The following SNX13 variants were observed in gnomAD, a reference collection of about 807,000 sequenced individuals.
SNX13 encodes the protein sorting nexin 13.
SNX13 carries 45 observed loss-of-function variants against 133.6 expected under a neutral mutation model. That is an observed-to-expected ratio of 0.34 (90% CI 0.27 to 0.43). SNX13 has a LOEUF of 0.43. Ranked by LOEUF, SNX13 falls within the 20% of genes least tolerant of loss-of-function variation. The probability of loss-of-function intolerance (pLI) is 1.00; values close to 1 mark genes in which losing one functional copy is unlikely to be tolerated. For synonymous variants in SNX13, 414 were observed against 373.9 expected, an observed-to-expected ratio of 1.11 and a Z score of -1.24; for missense variants, 1,032 against 1,145.1, an observed-to-expected ratio of 0.90 and a Z score of 1.43.
chr7:17,865,443 A>G (rs1793272776), intron 9 of SNX13, among the ~76,000 whole-genome samples: 1 of 152,194 alleles, frequency 6.6e-6, no homozygotes. Flanking sequence ...AGATGTCTAC[A>G]AGGAAAACTG....
At chr7:17,860,667 C>T (rs1449557291) in intron 9 of SNX13, among the ~76,000 whole-genome samples, 1 of 152,168 alleles carries the variant, frequency 6.6e-6, no homozygotes, top group African/African-American at 2.4e-5. Context: ...CAACTTCATC[C>T]TTTTGCATGT....
chr7:17,909,774 T>C (rs192960169), intron 1 of SNX13, among the ~76,000 whole-genome samples: 274 of 152,308 alleles, frequency 1.8e-3, no homozygotes, highest in Non-Finnish European at 3.2e-3. Context: ...CTGGGCTTAA[T>C]ACCCAGGTGA....
At chr7:17,831,338 A>G in intron 15 of SNX13, 1 of 884,592 alleles carries the variant, frequency 1.1e-6, no homozygotes, top group Non-Finnish European at 1.4e-6. Context: ...AGCATAATTC[A>G]TATAGTTTTA....
intron 1 of SNX13, among the ~76,000 whole-genome samples, chr7:17,916,196 G>GACA (rs1799544752): frequency 8.2e-5 from 11 of 133,786 alleles, no homozygotes; most frequent in African/African-American, 2.6e-4. Context: ...GGAGATAGAC[G>GACA]TCCAATTAAC....
chr7:17,923,476 C>T (rs1262021272), intron 1 of SNX13, among the ~76,000 whole-genome samples: 1 of 152,038 alleles, frequency 6.6e-6, no homozygotes, highest in Non-Finnish European at 1.5e-5. Flanking sequence ...GGCAGCTGGA[C>T]CAAAAACAGA....
intron 16 of SNX13, among the ~76,000 whole-genome samples, chr7:17,827,215 G>T (rs1788007495): frequency 6.6e-6 from 1 of 151,964 alleles, no homozygotes; most frequent in Non-Finnish European, 1.5e-5. Flanking sequence ...TAAGACTATG[G>T]TATGTTCTGT....
intron 13 of SNX13, among the ~76,000 whole-genome samples, chr7:17,836,140 T>C (rs1300332906): frequency 6.6e-6 from 1 of 151,956 alleles, no homozygotes; most frequent in Non-Finnish European, 1.5e-5. Context: ...ACATCTTTGG[T>C]ATAGGATGAC....
chr7:17,922,471 C>T (rs1438877826), intron 1 of SNX13, among the ~76,000 whole-genome samples: 1 of 152,180 alleles, frequency 6.6e-6, no homozygotes, highest in Non-Finnish European at 1.5e-5. Flanking sequence ...ATCTGCCACA[C>T]AAAGTAGGCT....
intron 12 of SNX13, among the ~76,000 whole-genome samples, chr7:17,841,434 T>A (rs1423888686): frequency 6.6e-6 from 1 of 151,886 alleles, no homozygotes; most frequent in African/African-American, 2.4e-5. Context: ...ATCCTTAGCA[T>A]AAACAGCCTA....
intron 9 of SNX13, among the ~76,000 whole-genome samples, chr7:17,851,427 G>C (rs1791198622): frequency 6.6e-6 from 1 of 152,102 alleles, no homozygotes. Flanking sequence ...ATAGAATAAA[G>C]GCAGAGCCAA....
chr7:17,837,729 T>G (rs980399065), intron 13 of SNX13, among the ~76,000 whole-genome samples: 2 of 152,022 alleles, frequency 1.3e-5, no homozygotes, highest in Non-Finnish European at 2.9e-5. Context: ...GGTTTTTAAA[T>G]AGACAGATAA....
At chr7:17,912,877 G>C (rs1160667928) in intron 1 of SNX13, among the ~76,000 whole-genome samples, 2 of 152,196 alleles carry the variant, frequency 1.3e-5, no homozygotes, top group Non-Finnish European at 2.9e-5. Context: ...AGTGTGGAAA[G>C]CACCCAAGCA....
intron 3 of SNX13, among the ~76,000 whole-genome samples, chr7:17,892,906 T>C (rs1446360905): frequency 6.6e-6 from 1 of 152,190 alleles, no homozygotes; most frequent in Non-Finnish European, 1.5e-5. Context: ...ATTAAAATTA[T>C]AGATACTGCA....
intron 1 of SNX13, among the ~76,000 whole-genome samples, chr7:17,909,519 C>T (rs987774796): frequency 2.0e-5 from 3 of 152,188 alleles, no homozygotes; most frequent in Non-Finnish European, 4.4e-5. Flanking sequence ...ACTATGCAGC[C>T]ATAAAAAGGA....
At chr7:17,808,925 C>G (rs1785646427) in intron 20 of SNX13, among the ~76,000 whole-genome samples, 1 of 152,132 alleles carries the variant, frequency 6.6e-6, no homozygotes, top group African/African-American at 2.4e-5. Context: ...TTGTCACCAC[C>G]AGGCCTGCCT....
At chr7:17,852,923 T>C (rs1791413580) in intron 9 of SNX13, among the ~76,000 whole-genome samples, 1 of 152,168 alleles carries the variant, frequency 6.6e-6, no homozygotes, top group African/African-American at 2.4e-5. Context: ...TGAATGTACG[T>C]GGTAACAGGA....
chr7:17,874,453 C>G (rs1379497793), intron 7 of SNX13, among the ~76,000 whole-genome samples: 1 of 152,128 alleles, frequency 6.6e-6, no homozygotes, highest in Admixed American at 6.5e-5. Context: ...TCTGTCTGCA[C>G]AGGGAGTCAG....
intron 5 of SNX13, chr7:17,883,089 GC>G (rs1410773488): frequency 3.8e-6 from 1 of 261,276 alleles, no homozygotes; most frequent in African/African-American, 2.3e-5. Flanking sequence ...ACTTAGGCAT[GC>G]AGTTTTATAT....
intron 1 of SNX13, among the ~76,000 whole-genome samples, chr7:17,933,326 G>C (rs1182559408): frequency 6.6e-6 from 1 of 152,100 alleles, no homozygotes; most frequent in Admixed American, 6.5e-5. Flanking sequence ...GGCGGAACAT[G>C]ACGTCAGGAG....
Sources: gnomAD v4.1 joint callset for allele counts (sites outside exome capture counted in the v4.1 genomes callset) on GRCh38, gnomAD v4.1.1 for gene constraint, MANE v1.5 for transcripts, NCBI Gene and HGNC (gene_info 2026-07-23, HGNC 2026-07-21) for gene names.